The following IL16 variants were observed in gnomAD, a reference collection of about 807,000 sequenced individuals.
IL16 encodes the protein pro-interleukin-16.
A neutral mutation model predicts 110.1 loss-of-function variants in IL16; 67 were observed. That is an observed-to-expected ratio of 0.61 (90% CI 0.50 to 0.75). IL16 has a LOEUF of 0.75. Ranked by LOEUF, IL16 falls within the 30% of genes least tolerant of loss-of-function variation. The probability of loss-of-function intolerance (pLI) is 0.00; values close to 1 mark genes in which losing one functional copy is unlikely to be tolerated. For missense variants in IL16, 1,545 were observed against 1,655.0 expected (o/e 0.93, Z 1.15); for synonymous variants, 689 against 662.9 (o/e 1.04, Z -0.61).
intron 2 of IL16, among the ~76,000 whole-genome samples, chr15:81,229,124 C>T (rs1487591289): frequency 4.6e-5 from 7 of 152,170 alleles, no homozygotes; most frequent in African/African-American, 1.7e-4. Context: ...TGAGTCCCTT[C>T]AATGTGCTAG....
Position 81,311,142 on chromosome 15 carries a change from C to T in IL16, c.*2344C>T, listed in dbSNP as rs1362425797. The T allele has an allele frequency of 1.3e-5, 2 of 152,192 alleles. No individual in the cohort carries two copies. The highest frequency in any genetic ancestry group is 1.3e-4 in the Admixed American group (2 of 15,280). The allele number at this position is 152,192 out of a possible 1,614,324, so 9.4% of individuals were successfully genotyped here. ...CACTTGAGGCTTAGCTTTGCTCTGC[C>T]AACTTCTTCAGAGCTGACACAGGAT... On this transcript the variant is annotated 3_prime_UTR_variant, in exon 19 of 19. Coordinates refer to ENST00000683961, the MANE Select transcript of IL16 (RefSeq NM_172217.5).
chr15:81,279,534 T>G (rs1423691085), intron 7 of IL16, 24 bp from the exon 8 acceptor site: 2 of 1,579,480 alleles, frequency 1.3e-6, no homozygotes, highest in Non-Finnish European at 1.7e-6. Flanking sequence ...TGCTGGGTGT[T>G]GTAGCCCTCT....
chr15:81,189,667 A>G (rs544769535), intron 1 of IL16, among the ~76,000 whole-genome samples: 5 of 152,292 alleles, frequency 3.3e-5, no homozygotes, highest in African/African-American at 1.2e-4. Context: ...CTTGAAAAAC[A>G]TACAAGAGTT....
upstream of IL16, among the ~76,000 whole-genome samples, chr15:81,194,629 G>T (rs1895551807): frequency 6.6e-6 from 1 of 151,974 alleles, no homozygotes; most frequent in Non-Finnish European, 1.5e-5. Flanking sequence ...GGAAATACAG[G>T]TTATTGATTA....
At chr15:81,298,593 G>C (rs981413655) in intron 13 of IL16, among the ~76,000 whole-genome samples, 1 of 152,230 alleles carries the variant, frequency 6.6e-6, no homozygotes, top group Non-Finnish European at 1.5e-5. Flanking sequence ...AGGGGTGGGC[G>C]TCAGTATTTT....
intron 1 of IL16, among the ~76,000 whole-genome samples, chr15:81,220,729 C>T (rs546241750): frequency 4.7e-5 from 7 of 149,758 alleles, no homozygotes; most frequent in African/African-American, 1.0e-4. Flanking sequence ...GCCTTTCCTC[C>T]GGTAGGTTAG....
intron 1 of IL16, among the ~76,000 whole-genome samples, chr15:81,187,657 C>A (rs1428609263): frequency 6.6e-6 from 1 of 152,186 alleles, no homozygotes; most frequent in African/African-American, 2.4e-5. Flanking sequence ...TTCTCAGTTG[C>A]TTTCAATTTT....
intron 2 of IL16, among the ~76,000 whole-genome samples, chr15:81,250,446 C>T (rs149682696): frequency 6.4e-4 from 98 of 152,238 alleles, no homozygotes; most frequent in African/African-American, 2.2e-3. Flanking sequence ...CAAAGTGCTG[C>T]GATTACAGGT....
chr15:81,213,914 C>T (rs1242857768), intron 1 of IL16, among the ~76,000 whole-genome samples: 1 of 152,060 alleles, frequency 6.6e-6, no homozygotes, highest in Non-Finnish European at 1.5e-5. Flanking sequence ...TTGATCCTGT[C>T]CTCATGTTTT....
At position 81,306,108 on chromosome 15, in the gene IL16, C is replaced by G. The variant is rs1900541021; in HGVS notation, c.3621C>G (p.Asn1207Lys). The part of the protein sequence containing the change: ...KLTPEAMPDL[N>K]SSTDSAASAS... ...CTCCAGAGGCCATGCCCGACCTCAA[C>G]TCCTCCACTGACTCTGCAGCCTCAG... Residue 1207 changes from asparagine (N) to lysine (K), a missense_variant, in exon 17 of 19, where the codon AAC becomes AAG. By Grantham distance (94) the Asn-to-Lys change is moderately conservative. Around this residue, in one of 3 missense-constraint regions of IL16, gnomAD observed 356 missense variants for 399.3 expected, o/e 0.89. Coordinates refer to ENST00000683961, the MANE Select transcript of IL16 (RefSeq NM_172217.5). 1.2e-6 allele frequency: 2 copies of G among 1,614,086 alleles called. No individual in the cohort carries two copies. The highest frequency in any genetic ancestry group is 1.7e-6 in the Non-Finnish European group (2 of 1,180,046).
At chr15:81,217,315 G>C in intron 1 of IL16, among the ~76,000 whole-genome samples, 1 of 152,160 alleles carries the variant, frequency 6.6e-6, no homozygotes, top group African/African-American at 2.4e-5. Context: ...TGAAAATCTG[G>C]ATGAAAGAGT....
Position 81,216,923 on chromosome 15 carries a change from C to T in IL16, c.-101-8376C>T, listed in dbSNP as rs574868545. ...GGAGTGGGATTGACACCTAGGTCTA[C>T]TTAGGCTGTAAAGCTACAGCATGTA... On this transcript the variant is annotated intron_variant, in intron 1 of 18. Transcript: ENST00000683961. Among the ~76,000 whole-genome samples the T allele has an allele frequency of 1.8e-4, 28 of 152,198 alleles. No homozygotes were observed. In the South Asian group the frequency reaches 5.2e-3, roughly 28 times the overall value.
At chr15:81,186,795 A>G (rs754629529) in intron 1 of IL16, among the ~76,000 whole-genome samples, 1 of 152,142 alleles carries the variant, frequency 6.6e-6, no homozygotes, top group Non-Finnish European at 1.5e-5. Flanking sequence ...CCCTCTGTCC[A>G]TCCATGCATC....
chr15:81,212,506 C>G (rs905186020), intron 1 of IL16, among the ~76,000 whole-genome samples: 69 of 151,920 alleles, frequency 4.5e-4, no homozygotes, highest in African/African-American at 1.3e-3. Context: ...GGGTCTCACT[C>G]TCTTGCCCAG....
intron 1 of IL16, among the ~76,000 whole-genome samples, chr15:81,217,200 G>T (rs1201067073): frequency 1.3e-5 from 2 of 152,088 alleles, no homozygotes; most frequent in African/African-American, 4.8e-5. Flanking sequence ...AACAGAAGGG[G>T]AGGCCAACAG....
chr15:81,221,311 G>A (rs1365317159), intron 1 of IL16, among the ~76,000 whole-genome samples: 1 of 152,186 alleles, frequency 6.6e-6, no homozygotes, highest in Non-Finnish European at 1.5e-5. Flanking sequence ...GACCCACAAG[G>A]CTGTCTTGTG....
At chr15:81,217,712 A>G (rs756718747) in intron 1 of IL16, among the ~76,000 whole-genome samples, 1 of 152,206 alleles carries the variant, frequency 6.6e-6, no homozygotes, top group Admixed American at 6.5e-5. Flanking sequence ...ATAACAAAAT[A>G]TAAGTAGCTC....
intron 2 of IL16, among the ~76,000 whole-genome samples, chr15:81,227,042 G>A (rs1055157770): frequency 1.1e-4 from 17 of 151,992 alleles, no homozygotes; most frequent in African/African-American, 3.9e-4. Flanking sequence ...TCTTTGCCCC[G>A]AAATAACTCA....
exon 1 of IL16, chr15:81,182,848 C>T (rs1409513207): frequency 7.8e-7 from 1 of 1,289,230 alleles, no homozygotes; most frequent in South Asian, 1.2e-5. Flanking sequence ...CTCCCTCAAA[C>T]CCTGTGCAAT....
Sources: gnomAD v4.1 joint callset for allele counts (sites outside exome capture counted in the v4.1 genomes callset) on GRCh38, gnomAD v4.1.1 for gene constraint, gnomAD v4.1.1 regional missense constraint, MANE v1.5 for transcripts, NCBI Gene and HGNC (gene_info 2026-07-23, HGNC 2026-07-21) for gene names.